The following DCX variants were observed in gnomAD, a reference collection of about 807,000 sequenced individuals.
DCX encodes the protein doublecortin.
In DCX, 4 loss-of-function variants were observed where a neutral mutation model predicts 20.9. The ratio of observed to expected loss-of-function variants is 0.19; its 90% confidence interval spans 0.09 to 0.44. The LOEUF (loss-of-function observed/expected upper bound fraction) is 0.44, where lower values mean the gene tolerates loss of function less well. DCX is among the 20% of genes least tolerant of loss of function. The pLI is 0.99. For synonymous variants in DCX, 103 were observed against 111.4 expected (o/e 0.92, Z 0.47); for missense variants, 133 against 296.9 (o/e 0.45, Z 4.06).
chrX:111,316,026 A>G (rs1013641727), intron 5 of DCX, among the ~76,000 whole-genome samples: 2 of 66,758 alleles, frequency 3.0e-5, no homozygotes, highest in African/African-American at 1.4e-4. Flanking sequence ...ACATGTATAC[A>G]TATGTAACTA....
intron 5 of DCX, among the ~76,000 whole-genome samples, chrX:111,327,312 G>T (rs1430679011): frequency 8.9e-6 from 1 of 111,887 alleles, no homozygotes; most frequent in Non-Finnish European, 1.9e-5. Flanking sequence ...AAGCCTGTTT[G>T]CCCCACCTAA....
Position 111,410,855 on chromosome X carries a change from C to T in DCX, c.-22-435G>A, listed in dbSNP as rs755377071. 4.6e-5 allele frequency: 56 copies of T among 1,209,163 alleles called. No individual in the cohort carries two copies. The highest frequency in any genetic ancestry group is 6.0e-5 in the Non-Finnish European group (54 of 894,770). ...CATGACTAACAGTTGTAAATGAATC[C>T]ATAGCCTGACAAAATTCCCCTTGAA... is the stretch of plus-strand genomic sequence containing the variant. On this transcript the variant is annotated intron_variant, in intron 1 of 6. Transcript: ENST00000636035.
intron 3 of DCX, among the ~76,000 whole-genome samples, chrX:111,345,814 G>A (rs992960119): frequency 4.5e-5 from 5 of 111,869 alleles, no homozygotes; most frequent in African/African-American, 9.7e-5. Flanking sequence ...CTGAGGAATC[G>A]CCCTACTGCC....
chrX:111,383,708 G>T (rs915602294), intron 3 of DCX, among the ~76,000 whole-genome samples: 5 of 111,620 alleles, frequency 4.5e-5, no homozygotes, highest in Non-Finnish European at 7.5e-5. Context: ...AAATGAGAGG[G>T]TTGGACTAAA....
intron 5 of DCX, 141 bp from the exon 6 acceptor site, chrX:111,312,877 G>A: frequency 1.7e-6 from 1 of 573,989 alleles, no homozygotes. Context: ...GAACAAAGGT[G>A]AAAAGAAACA....
chrX:111,372,928 G>C (rs1925218936), intron 3 of DCX, among the ~76,000 whole-genome samples: 1 of 111,243 alleles, frequency 9.0e-6, no homozygotes, highest in Admixed American at 9.6e-5. Flanking sequence ...AATCATGTGA[G>C]GGCTTACAGA....
At chrX:111,393,815 C>T (rs764351806) in intron 3 of DCX, among the ~76,000 whole-genome samples, 1 of 110,331 alleles carries the variant, frequency 9.1e-6, no homozygotes, top group South Asian at 3.9e-4. Context: ...TTCACACCCA[C>T]TAGGATGGAG....
chrX:111,375,431 A>C (rs1310278852), intron 3 of DCX, among the ~76,000 whole-genome samples: 7 of 111,160 alleles, frequency 6.3e-5, no homozygotes, highest in Non-Finnish European at 1.3e-4. Context: ...CAAAATAAAA[A>C]GTTCTTAAAA....
At chrX:111,328,493 T>C (rs2095104866) in intron 5 of DCX, among the ~76,000 whole-genome samples, 1 of 111,770 alleles carries the variant, frequency 8.9e-6, no homozygotes, top group Non-Finnish European at 1.9e-5. Flanking sequence ...TTGGATGCAG[T>C]CTGCAAAGAG....
chrX:111,320,859 A>T (rs982203423), intron 5 of DCX, among the ~76,000 whole-genome samples: 2 of 110,196 alleles, frequency 1.8e-5, no homozygotes, highest in Non-Finnish European at 3.8e-5. Context: ...ACACACACAC[A>T]CACATGCACA....
chrX:111,384,653 C>A (rs934650639), intron 3 of DCX, among the ~76,000 whole-genome samples: 1 of 111,668 alleles, frequency 9.0e-6, no homozygotes, highest in Middle Eastern at 4.2e-3. Flanking sequence ...ATTAATGGAA[C>A]CTACTATTAA....
chrX:111,409,969 G>A (rs912830210), intron 2 of DCX, 66 bp downstream of exon 2: 8 of 1,195,125 alleles, frequency 6.7e-6, no homozygotes, highest in South Asian at 1.8e-5. Context: ...CAAAGCAACC[G>A]AAGAATGTAA....
At chrX:111,343,913 C>G (rs1922539144) in intron 3 of DCX, among the ~76,000 whole-genome samples, 1 of 110,891 alleles carries the variant, frequency 9.0e-6, no homozygotes, top group Admixed American at 9.6e-5. Flanking sequence ...ATCTGGGAGG[C>G]AGAGGTTGCA....
chrX:111,407,192 C>T (rs1196872342), intron 2 of DCX, among the ~76,000 whole-genome samples: 4 of 111,702 alleles, frequency 3.6e-5, no homozygotes, highest in African/African-American at 1.3e-4. Context: ...CAAAATGAGG[C>T]TTAGGGAATC....
intron 5 of DCX, among the ~76,000 whole-genome samples, chrX:111,328,799 T>C (rs1037958549): frequency 5.4e-5 from 6 of 111,262 alleles, no homozygotes; most frequent in Admixed American, 1.9e-4. Context: ...ATATTGTAAG[T>C]GGATCCTACA....
chrX:111,353,309 G>T (rs1030271262), intron 3 of DCX, among the ~76,000 whole-genome samples: 1 of 111,690 alleles, frequency 9.0e-6, no homozygotes, highest in African/African-American at 3.3e-5. Flanking sequence ...AAAATGGAGT[G>T]AATACTACTT....
At chrX:111,410,550 G>C in intron 1 of DCX, 130 bp from the exon 2 acceptor site, 2 of 994,024 alleles carry the variant, frequency 2.0e-6, no homozygotes, top group Non-Finnish European at 2.8e-6. Flanking sequence ...GAAAAGAACT[G>C]GTTGAAAAAA....
In DCX at chrX:111,295,134, TCTTA is replaced by T. The variant is rs1356904193; in HGVS notation, c.*6549_*6552del. The T allele has an allele frequency of 3.6e-5, 4 of 112,484 alleles. No homozygotes were observed. The highest frequency in any genetic ancestry group is 3.7e-4 in the South Asian group (1 of 2,697). The allele number at this position is 112,484 out of a possible 1,213,427, so 9.3% of individuals were successfully genotyped here. A position where few individuals can be genotyped will look rare whatever the true frequency, so the allele number is the denominator to read the frequency against. ...ACATTGGAGACATTTTGGCATAACC[TCTTA>T]CTTGTTCAAATCCCTTTTGGATAAC... is the stretch of plus-strand genomic sequence containing the variant. On this transcript the variant is annotated 3_prime_UTR_variant, in exon 7 of 7. Coordinates refer to ENST00000636035, the MANE Select transcript of DCX (RefSeq NM_001195553.2).
At chrX:111,381,917 T>C (rs1486121890) in intron 3 of DCX, among the ~76,000 whole-genome samples, 1 of 112,154 alleles carries the variant, frequency 8.9e-6, no homozygotes, top group Non-Finnish European at 1.9e-5. Flanking sequence ...TGTAGCTATC[T>C]AAAGCAAGCC....
Sources: gnomAD v4.1 joint callset for allele counts (sites outside exome capture counted in the v4.1 genomes callset) on GRCh38, gnomAD v4.1.1 for gene constraint, MANE v1.5 for transcripts, NCBI Gene and HGNC (gene_info 2026-07-23, HGNC 2026-07-21) for gene names.